Variants in FAM53A observed in about 807,000 individuals in gnomAD.
FAM53A encodes the protein family with sequence similarity 53 member A.
A neutral mutation model predicts 26.6 loss-of-function variants in FAM53A; 28 were observed. The ratio of observed to expected loss-of-function variants is 1.05; its 90% CI spans 0.78 to 1.45. The LOEUF is 1.45. Ranked by LOEUF, FAM53A falls within the 40% of genes most tolerant of loss-of-function variation. FAM53A has a pLI of 0.00. For synonymous variants in FAM53A, 290 were observed against 253.1 expected (o/e 1.15, Z -1.38); for missense variants, 650 against 575.8 (o/e 1.13, Z -1.32).
In FAM53A at chr4:1,668,028, G is replaced by A. The variant is rs571004692; in HGVS notation, c.75+639C>T. The stretch of plus-strand genomic sequence containing the variant: ...GGAGGGGAGGGACAGGGAGCCTGGC[G>A]GGGTGCAGTCTGCTGCTTGATTGGA... On this transcript the variant is annotated intron_variant, in intron 2 of 4. Coordinates refer to ENST00000308132, the MANE Select transcript of FAM53A (RefSeq NM_001174070.3). Among the ~76,000 whole-genome samples the A allele has an allele frequency of 1.7e-4, 26 of 152,346 alleles. No homozygotes were observed. In the South Asian group the frequency reaches 4.3e-3, roughly 25 times the overall value.
At chr4:1,644,548 A>C in intron 4 of FAM53A, 1 of 595,378 alleles carries the variant, frequency 1.7e-6, no homozygotes, top group South Asian at 3.1e-5. Context: ...GGACTGCGCC[A>C]CCCATCCGCC....
At chr4:1,626,770 CCT>C (rs1715327140) in intron 1 of FAM53A, among the ~76,000 whole-genome samples, 1 of 151,866 alleles carries the variant, frequency 6.6e-6, no homozygotes, top group African/African-American at 2.4e-5. Context: ...ACAGCCATGC[CCT>C]GAGCCCAGAG....
intron 4 of FAM53A, among the ~76,000 whole-genome samples, chr4:1,647,313 T>C (rs2028922): frequency 0.31 from 44,342 of 144,988 alleles, 6,995 homozygotes; most frequent in Middle Eastern, 0.48. Flanking sequence ...CCAGCCCGGG[T>C]GACAGAGCGA....
At chr4:1,603,354 C>T in the FAM53A span, among the ~76,000 whole-genome samples, 2 of 152,218 alleles carry the variant, frequency 1.3e-5, no homozygotes, top group South Asian at 2.1e-4. Context: ...CCCTGAGGGG[C>T]GAGACGGCTC....
At chr4:1,590,152 G>T in the FAM53A span, among the ~76,000 whole-genome samples, 1 of 152,162 alleles carries the variant, frequency 6.6e-6, no homozygotes, top group East Asian at 1.9e-4. Context: ...CAGTACTTAT[G>T]ATTTTTCTTC....
At chr4:1,579,828 G>T in the FAM53A span, among the ~76,000 whole-genome samples, 16 of 152,178 alleles carry the variant, frequency 1.1e-4, no homozygotes, top group African/African-American at 3.9e-4. Context: ...CAGGGAGGGC[G>T]CAGGGGCCGA....
chr4:1,579,096 T>C, the FAM53A span, among the ~76,000 whole-genome samples: 1 of 149,152 alleles, frequency 6.7e-6, no homozygotes, highest in Non-Finnish European at 1.5e-5. Flanking sequence ...CCAGCGCTGC[T>C]GGACGCCCCT....
intron 1 of FAM53A, among the ~76,000 whole-genome samples, chr4:1,629,468 AG>A (rs1057350530): frequency 1.3e-5 from 2 of 152,138 alleles, no homozygotes; most frequent in Non-Finnish European, 2.9e-5. Context: ...AGGCCTGGCC[AG>A]GGGGCAGTAG....
intron 1 of FAM53A, among the ~76,000 whole-genome samples, chr4:1,669,483 TC>T (rs1356640306): frequency 1.3e-5 from 2 of 152,132 alleles, no homozygotes; most frequent in Non-Finnish European, 2.9e-5. Flanking sequence ...AGTGGGCAGA[TC>T]CGTCTGTACT....
chr4:1,629,068 C>T (rs114553299), intron 1 of FAM53A, among the ~76,000 whole-genome samples: 4,019 of 152,048 alleles, frequency 0.026, 195 homozygotes, highest in African/African-American at 0.09. Flanking sequence ...CCAGGATGTG[C>T]GCCATGCCTG....
At chr4:1,618,926 C>G (rs1363024926) in intron 1 of FAM53A, among the ~76,000 whole-genome samples, 1 of 152,190 alleles carries the variant, frequency 6.6e-6, no homozygotes. Context: ...CACAAGCTCA[C>G]CTCAGTGAAC....
In FAM53A at chr4:1,671,452, GCCACA is replaced by G. The variant is rs1266041002; in HGVS notation, c.-164-2552_-164-2548del. 1.7e-3 allele frequency among the ~76,000 whole-genome samples: 15 copies of G among 8,802 alleles called. 1 individual carries two copies. Among genetic ancestry groups the G allele is most frequent in the East Asian group, 7.8e-3 (1 of 128 alleles). 5.8% of individuals were successfully genotyped at this position (8,802 alleles called of 152,430 possible). On this transcript the variant is annotated intron_variant, in intron 1 of 4. Transcript: ENST00000308132. ...TCAGAGCCACCAGCTCACAGCCACA[GCCACA>G]GCCGGGACTCACCTCTGTCCCAGCG...
At chr4:1,660,670 C>T (rs955545695) in intron 2 of FAM53A, among the ~76,000 whole-genome samples, 26 of 152,122 alleles carry the variant, frequency 1.7e-4, no homozygotes, top group African/African-American at 6.0e-4. Flanking sequence ...AGGCAGGTGA[C>T]AAGATCAGGA....
upstream of FAM53A, among the ~76,000 whole-genome samples, chr4:1,685,856 G>A (rs895020547): frequency 3.3e-5 from 5 of 152,152 alleles, no homozygotes; most frequent in African/African-American, 7.2e-5. Context: ...ACCTGTGCCC[G>A]GGGCGAGGCT....
intron 3 of FAM53A, 36 bp downstream of exon 3, chr4:1,657,372 G>A: frequency 8.1e-6 from 13 of 1,598,458 alleles, no homozygotes; most frequent in Non-Finnish European, 1.1e-5. Context: ...TCCCAGCCCT[G>A]CTCAGGCCTC....
the FAM53A span, among the ~76,000 whole-genome samples, chr4:1,610,842 C>A: frequency 6.6e-6 from 1 of 152,186 alleles, no homozygotes; most frequent in Non-Finnish European, 1.5e-5. Flanking sequence ...ACTCAAAACA[C>A]TGGCCCCTGC....
At chr4:1,610,538 G>A in the FAM53A span, among the ~76,000 whole-genome samples, 1 of 152,206 alleles carries the variant, frequency 6.6e-6, no homozygotes, top group Non-Finnish European at 1.5e-5. Context: ...AACACTGGGA[G>A]GGCCAGACTA....
intron 2 of FAM53A, among the ~76,000 whole-genome samples, chr4:1,664,153 G>A (rs114749714): frequency 2.7e-3 from 404 of 152,362 alleles, no homozygotes; most frequent in African/African-American, 9.3e-3. Flanking sequence ...TGACCGGATA[G>A]AGATATTAAG....
At chr4:1,684,890 G>A (rs1577170068), upstream of FAM53A, among the ~76,000 whole-genome samples, 1 of 152,364 alleles carries the variant, frequency 6.6e-6, no homozygotes, top group East Asian at 1.9e-4. Context: ...GATAGGCGGG[G>A]TTGGGGCCTG....
Sources: gnomAD v4.1 joint callset for allele counts (sites outside exome capture counted in the v4.1 genomes callset) on GRCh38, gnomAD v4.1.1 for gene constraint, MANE v1.5 for transcripts, NCBI Gene and HGNC (gene_info 2026-07-23, HGNC 2026-07-21) for gene names.